ARHGEF17: variants seen among roughly 807,000 people sequenced by gnomAD.
ARHGEF17 encodes the protein Rho guanine nucleotide exchange factor 17.
A neutral mutation model predicts 174.0 loss-of-function variants in ARHGEF17; 80 were observed. The ratio of observed to expected loss-of-function variants is 0.46; its 90% confidence interval spans 0.38 to 0.55. The LOEUF (loss-of-function observed/expected upper bound fraction) is 0.55. ARHGEF17 is among the 20% of genes least tolerant of loss of function. The probability of loss-of-function intolerance (pLI) is 0.00; values close to 1 mark genes in which losing one functional copy is unlikely to be tolerated. For missense variants in ARHGEF17, 2,886 were observed against 2,839.7 expected, an observed-to-expected ratio of 1.02 and a Z score of -0.37; for synonymous variants, 1,311 against 1,189.1, an observed-to-expected ratio of 1.10 and a Z score of -2.11.
chr11:73,348,915 G>A (rs1222966390), intron 2 of ARHGEF17, among the ~76,000 whole-genome samples: 1 of 152,176 alleles, frequency 6.6e-6, no homozygotes, highest in Non-Finnish European at 1.5e-5. Context: ...GACCTGAAGG[G>A]TGAGTAGATT....
rs1865781017 is a variant in ARHGEF17, at chr11:73,363,369, C to T, written c.5160C>T (p.Ser1720=). 8 of 1,613,170 alleles carry T rather than the reference C, an allele frequency of 5.0e-6. No homozygotes were observed. Among genetic ancestry groups the T allele is most frequent in the Non-Finnish European group, 6.8e-6 (8 of 1,179,890 alleles). ...GRALRRSSHG[S]FTRGSLEDLL... ...CCCTTCGCCGCTCCAGCCACGGCTC[C>T]TTCACCCGGGGCAGCCTTGAGGACC... Residue 1720 remains serine (S), a synonymous_variant, in exon 15 of 21, where the codon TCC becomes TCT. Coordinates refer to ENST00000263674, the MANE Select transcript of ARHGEF17 (RefSeq NM_014786.4).
rs1254969733 is a variant in ARHGEF17, at chr11:73,362,672, C to T, written c.4934C>T (p.Pro1645Leu). ...FDSDSDDESS[P>L]SPSGTLQSQA... ...AGTGACTCTGACGATGAGTCTTCGCCCAGCCCCTCGGGGACGCTGCAGAGC... is the reference window on the plus strand; with the variant it reads ...AGTGACTCTGACGATGAGTCTTCGCTCAGCCCCTCGGGGACGCTGCAGAGC... Residue 1645 changes from proline to leucine, a missense_variant, in exon 14 of 21, where the codon CCC (proline) becomes CTC (leucine). By Grantham distance (98) the Pro-to-Leu change is moderately conservative. This residue lies in a region of ARHGEF17 where 476 missense variants were observed against 473.1 expected (regional missense o/e 1.01). Coordinates refer to ENST00000263674, the MANE Select transcript of ARHGEF17 (RefSeq NM_014786.4). 1 of 1,611,120 alleles carries T rather than the reference C, an allele frequency of 6.2e-7. No individual in the cohort carries two copies. The highest frequency in any genetic ancestry group is 2.2e-5 in the East Asian group (1 of 44,886).
At position 73,309,535 on chromosome 11, in the gene ARHGEF17, C is replaced by G. The variant is rs1283385773; in HGVS notation, c.897C>G (p.Ser299Arg). 6.3e-7 allele frequency: 1 copy of G among 1,585,922 alleles called. No homozygotes were observed. Among genetic ancestry groups the G allele is most frequent in the Non-Finnish European group, 8.6e-7 (1 of 1,161,036 alleles). ...WGGRPGLRPG[S>R]SLLDQDCRPD... The stretch of plus-strand genomic sequence containing the variant: ...GGAGGCCCGGGCTCAGGCCTGGAAG[C>G]TCCCTATTGGATCAGGACTGCAGGC... Residue 299 changes from serine to arginine, a missense_variant, in exon 1 of 21, where the codon AGC becomes AGG. Ser to Arg is a moderately radical substitution (Grantham distance 110). This residue lies in a region of ARHGEF17 where 1,728 missense variants were observed against 1,461.2 expected (regional missense o/e 1.18). Transcript: ENST00000263674.
intron 1 of ARHGEF17, among the ~76,000 whole-genome samples, chr11:73,344,432 C>G (rs1865427950): frequency 2.6e-5 from 4 of 152,220 alleles, no homozygotes; most frequent in Admixed American, 1.3e-4. Flanking sequence ...CTCCCCGTGT[C>G]ACCCCAGCCT....
In ARHGEF17 at chr11:73,310,456, T is replaced by A. The variant is rs1027057021; in HGVS notation, c.1818T>A (p.Gly606=). 4 of 1,613,776 alleles carry A rather than the reference T, an allele frequency of 2.5e-6. No homozygotes were observed. In the African/African-American group the frequency reaches 4.0e-5, roughly 16 times the overall value. The change falls in exon 1 of 21, where the codon GGT becomes GGA. Residue 606 remains glycine, a synonymous_variant. Transcript: ENST00000263674. ...RQVFEKIQRM[G]AQQDDGSDAP... is the part of the protein sequence containing the mutation. ...TTTTTGAGAAGATCCAGCGCATGGGTGCCCAACAAGATGATGGAAGCGATG... is the reference window on the plus strand; with the variant it reads ...TTTTTGAGAAGATCCAGCGCATGGGAGCCCAACAAGATGATGGAAGCGATG...
intron 1 of ARHGEF17, chr11:73,343,109 C>G: frequency 2.8e-6 from 1 of 357,182 alleles, no homozygotes; most frequent in Non-Finnish European, 5.0e-6. Flanking sequence ...CCGCCGCCAC[C>G]CCGGCGCCCC....
intron 10 of ARHGEF17, 142 bp from the exon 11 acceptor site, chr11:73,360,178 C>T: frequency 4.1e-6 from 4 of 978,394 alleles, no homozygotes; most frequent in Non-Finnish European, 6.0e-6. Flanking sequence ...CCCCATCCCC[C>T]ATATATCAAA....
chr11:73,360,234 G>A, intron 10 of ARHGEF17, 86 bp from the exon 11 acceptor site: 1 of 1,462,244 alleles, frequency 6.8e-7, no homozygotes. Context: ...GCTGTCTAAG[G>A]AGAGAGGCAG....
At position 73,308,900 on chromosome 11, in the gene ARHGEF17, C is replaced by A; in HGVS notation, c.262C>A (p.Arg88Ser). 7.3e-7 allele frequency: 1 copy of A among 1,365,238 alleles called. No homozygotes were observed. The highest frequency in any genetic ancestry group is 9.4e-7 in the Non-Finnish European group (1 of 1,065,538). The allele number at this position is 1,365,238 out of a possible 1,614,324, so 84.6% of individuals were successfully genotyped here. A position where few individuals can be genotyped will look rare whatever the true frequency, so the allele number is the denominator to read the frequency against. Residue 88 changes from arginine (R) to serine (S), a missense_variant, in exon 1 of 21, where the codon CGC (arginine) becomes AGC (serine). Transcript: ENST00000263674. ...GCCGTCGGTTCGCCAGCTCTCCCGG[C>A]GCTTCGACGCGCCGCGTCTGGACGA... ...LSPSVRQLSRRFDAPRLDDGS... is the reference protein window; with the variant it reads ...LSPSVRQLSRSFDAPRLDDGS...
At chr11:73,318,492 GT>G (rs1864964618) in intron 1 of ARHGEF17, among the ~76,000 whole-genome samples, 1 of 152,002 alleles carries the variant, frequency 6.6e-6, no homozygotes, top group Non-Finnish European at 1.5e-5. Flanking sequence ...AAAAACAGGT[GT>G]GGTGGCACAG....
intron 9 of ARHGEF17, among the ~76,000 whole-genome samples, chr11:73,359,429 C>T (rs887219824): frequency 2.6e-5 from 4 of 152,332 alleles, no homozygotes; most frequent in East Asian, 3.9e-4. Context: ...CTTTGTGGGG[C>T]GATGAGTCTC....
chr11:73,357,990 G>A (rs1865674150), intron 9 of ARHGEF17, among the ~76,000 whole-genome samples: 1 of 152,196 alleles, frequency 6.6e-6, no homozygotes, highest in South Asian at 2.1e-4. Context: ...GTGAACCCAG[G>A]CCTGCCCACT....
At chr11:73,315,184 G>A (rs1040120786) in intron 1 of ARHGEF17, among the ~76,000 whole-genome samples, 6 of 152,164 alleles carry the variant, frequency 3.9e-5, no homozygotes, top group African/African-American at 9.7e-5. Flanking sequence ...TCTGAGTAGC[G>A]GGGACAAGTC....
intron 7 of ARHGEF17, 54 bp from the exon 8 acceptor site, chr11:73,356,971 G>C (rs929602905): frequency 1.3e-5 from 20 of 1,582,894 alleles, no homozygotes; most frequent in Middle Eastern, 1.7e-4. Context: ...TGGGCAGGGG[G>C]GTGGGCTTCT....
chr11:73,322,786 A>G (rs1865036691), intron 1 of ARHGEF17, among the ~76,000 whole-genome samples: 1 of 151,912 alleles, frequency 6.6e-6, no homozygotes, highest in Non-Finnish European at 1.5e-5. Flanking sequence ...TGGGAGAGGA[A>G]GGGCTGGGAG....
At chr11:73,363,120 G>T in intron 14 of ARHGEF17, 86 bp from the exon 15 acceptor site, 8 of 1,448,822 alleles carry the variant, frequency 5.5e-6, no homozygotes, top group Non-Finnish European at 7.3e-6. Flanking sequence ...GGAGGGGCAT[G>T]GCCAGGAGGG....
chr11:73,329,701 C>G (rs2078267738), intron 1 of ARHGEF17, among the ~76,000 whole-genome samples: 1 of 152,086 alleles, frequency 6.6e-6, no homozygotes, highest in African/African-American at 2.4e-5. Flanking sequence ...CATCTGGCCT[C>G]ATATTCTTTT....
chr11:73,343,288 G>A (rs1865404928), intron 1 of ARHGEF17: 12 of 398,138 alleles, frequency 3.0e-5, no homozygotes, highest in Non-Finnish European at 4.9e-5. Context: ...GTACGGGGAG[G>A]GGGAGGGGCA....
intron 3 of ARHGEF17, among the ~76,000 whole-genome samples, chr11:73,355,316 A>G (rs969540482): frequency 6.6e-6 from 1 of 152,250 alleles, no homozygotes; most frequent in African/African-American, 2.4e-5. Flanking sequence ...AGTCACACCC[A>G]GATAATATGA....
Sources: allele counts gnomAD v4.1 joint callset (sites outside exome capture counted in the v4.1 genomes callset), GRCh38; gene constraint gnomAD v4.1.1; regional missense constraint gnomAD v4.1.1; transcripts MANE v1.5; gene names NCBI Gene and HGNC (gene_info 2026-07-23, HGNC 2026-07-21).